The following MARCO variants were observed in gnomAD, a reference collection of about 807,000 sequenced individuals.
The protein encoded by MARCO is macrophage receptor with collagenous structure.
A neutral mutation model predicts 70.0 loss-of-function variants in MARCO; 72 were observed. The observed-to-expected ratio is 1.03, with a 90% CI of 0.85 to 1.25. The LOEUF is 1.25. Among genes scored for constraint, MARCO ranks in the 50% most tolerant of loss-of-function variants. The pLI is 0.00. For missense variants in MARCO, 696 were observed against 659.3 expected (o/e 1.06, Z -0.61); for synonymous variants, 273 against 243.1 (o/e 1.12, Z -1.14).
At chr2:118,977,086 C>T (rs1201829637) in intron 6 of MARCO, among the ~76,000 whole-genome samples, 1 of 152,210 alleles carries the variant, frequency 6.6e-6, no homozygotes, top group African/African-American at 2.4e-5. Flanking sequence ...AGCAGGAACT[C>T]ACTCCATCTT....
At chr2:118,974,733 C>A (rs1387376486) in intron 6 of MARCO, among the ~76,000 whole-genome samples, 168 bp downstream of exon 6, 1 of 152,138 alleles carries the variant, frequency 6.6e-6, no homozygotes, top group Non-Finnish European at 1.5e-5. Context: ...GGGAAGCACC[C>A]TTTCTGGTGG....
intron 1 of MARCO, among the ~76,000 whole-genome samples, chr2:118,945,995 G>GCT (rs1274014631): frequency 1.1e-4 from 16 of 152,130 alleles, no homozygotes; most frequent in African/African-American, 3.9e-4. Context: ...ATTATTTCAT[G>GCT]TCATTGTTCT....
intron 1 of MARCO, among the ~76,000 whole-genome samples, chr2:118,955,560 CT>C (rs1182958974): frequency 1.3e-5 from 2 of 152,126 alleles, no homozygotes; most frequent in Non-Finnish European, 2.9e-5. Flanking sequence ...CTTTCCTGGC[CT>C]TCCCAGAGAC....
chr2:118,981,103 C>G (rs1680379281), intron 8 of MARCO, among the ~76,000 whole-genome samples: 1 of 152,184 alleles, frequency 6.6e-6, no homozygotes, highest in Admixed American at 6.5e-5. Flanking sequence ...AATGCAGACA[C>G]TAAAACAAGC....
intron 1 of MARCO, chr2:118,952,859 G>T (rs1679750707): frequency 6.6e-6 from 1 of 152,154 alleles, no homozygotes; most frequent in Admixed American, 6.5e-5. Context: ...TATCAAAATT[G>T]TTAGAAATAC....
chr2:118,952,724 G>C, intron 1 of MARCO: 1 of 152,172 alleles, frequency 6.6e-6, no homozygotes, highest in East Asian at 1.9e-4. Context: ...GCACCAGGTG[G>C]GTCTTGGTCC....
intron 12 of MARCO, among the ~76,000 whole-genome samples, chr2:118,984,049 T>C (rs1205872862): frequency 1.3e-5 from 2 of 152,204 alleles, no homozygotes; most frequent in African/African-American, 4.8e-5. Flanking sequence ...GTAGCACAAC[T>C]TTACGGTCAA....
rs368982404 is a variant in MARCO at position 118,981,519 on chromosome 2, C to T, written c.865+12C>T. The T allele has an allele frequency of 2.5e-4, 405 of 1,594,818 alleles. 1 individual carries two copies. The highest frequency in any genetic ancestry group is 3.3e-4 in the Non-Finnish European group (387 of 1,169,810). On this transcript the variant is annotated intron_variant, in intron 9 of 16. Coordinates refer to ENST00000327097, the MANE Select transcript of MARCO (RefSeq NM_006770.4). ...GCCAGGCCCACCAGGTAAGAGGGCA[C>T]GTGGTCACATCCACTGACCTCTAGG...
At chr2:118,986,656 G>GAAAAAGAAAGAAAGAAAGAAA (rs1558671646) in intron 12 of MARCO, among the ~76,000 whole-genome samples, 1 of 28,272 alleles carries the variant, frequency 3.5e-5, no homozygotes, top group African/African-American at 2.9e-4. Context: ...AAAGAAAGAA[G>GAAAAAGAAAGAAAGAAAGAAA]GAAGGAAGGA....
chr2:118,944,345 T>C (rs963450857), intron 1 of MARCO, among the ~76,000 whole-genome samples: 11 of 152,200 alleles, frequency 7.2e-5, no homozygotes, highest in African/African-American at 2.7e-4. Context: ...AATACAAAGA[T>C]TGTGGAACAT....
chr2:118,970,196 C>T lies in MARCO; in HGVS notation c.282C>T (p.Phe94=), dbSNP rs1432189388. 6.2e-7 allele frequency: 1 copy of T among 1,614,178 alleles called. No homozygotes were observed. Among genetic ancestry groups the T allele is most frequent in the Admixed American group, 1.7e-5 (1 of 60,022 alleles). ...DTLAAEDSPS[F]SLLQSAHPGE... ...TGGCGGCTGAGGACAGCCCGTCCTT[C>T]TCCTTGCTGCAGTCAGCACACCCTG... The change falls in exon 3 of 17, where the codon TTC becomes TTT. Residue 94 remains phenylalanine, a synonymous_variant. Transcript: ENST00000327097.
intron 12 of MARCO, among the ~76,000 whole-genome samples, chr2:118,986,734 G>GA: frequency 3.5e-5 from 5 of 144,664 alleles, no homozygotes; most frequent in Middle Eastern, 3.3e-3. Flanking sequence ...AAGAAAGAAA[G>GA]AAAGAGAAAG....
At chr2:118,977,279 A>T (rs1339093119) in intron 6 of MARCO, among the ~76,000 whole-genome samples, 192 bp from the exon 7 acceptor site, 2 of 147,330 alleles carry the variant, frequency 1.4e-5, no homozygotes. Flanking sequence ...TGTTTGTGCA[A>T]TCATATGTGT....
In MARCO at chr2:118,978,009, G is replaced by C; in HGVS notation, c.766+74G>C. 1.0e-5 allele frequency: 10 copies of C among 998,218 alleles called. No homozygotes were observed. The South Asian group carries it at 1.5e-4, about 15-fold the overall frequency. 61.8% of individuals were successfully genotyped at this position (998,218 alleles called of 1,614,324 possible). On this transcript the variant is annotated intron_variant, in intron 8 of 16. Coordinates refer to ENST00000327097, the MANE Select transcript of MARCO (RefSeq NM_006770.4). ...ACTAGGGCCTGACCTCTGTGCCATT[G>C]GGTCTATTCAGTGCCCACTGAGGGC...
intron 13 of MARCO, among the ~76,000 whole-genome samples, chr2:118,991,171 G>A (rs1405795832): frequency 6.6e-6 from 1 of 152,090 alleles, no homozygotes; most frequent in Non-Finnish European, 1.5e-5. Flanking sequence ...CTGCCCCTGT[G>A]AGTGCAAAAG....
intron 5 of MARCO, 37 bp downstream of exon 5, chr2:118,974,477 C>T (rs1379480077): frequency 1.9e-6 from 3 of 1,612,766 alleles, no homozygotes; most frequent in Non-Finnish European, 2.5e-6. Context: ...AATCATTTTC[C>T]TCCTCCTTCT....
rs368761967 is a variant in MARCO, at chr2:118,942,347, C to T, written c.47C>T (p.Thr16Ile). 1.9e-6 allele frequency: 3 copies of T among 1,613,780 alleles called. No homozygotes were observed. The highest frequency in any genetic ancestry group is 1.7e-5 in the Admixed American group (1 of 60,018). The change falls in exon 1 of 17, where the codon ACC (threonine) becomes ATC (isoleucine). Residue 16 changes from threonine to isoleucine, a missense_variant. By Grantham distance (89) the Thr-to-Ile change is moderately conservative. Transcript: ENST00000327097. ...AAGGAGGACGAGCTCTTGAGTGAGA[C>T]CCAACAAGCTGCTTTTCACCAAATT... ...ILKEDELLSE[T>I]QQAAFHQIAM...
At chr2:118,983,791 G>A (rs970848876) in intron 12 of MARCO, among the ~76,000 whole-genome samples, 16 of 152,068 alleles carry the variant, frequency 1.1e-4, no homozygotes, top group African/African-American at 3.6e-4. Context: ...GTTGTAAATA[G>A]TAGTCACCCT....
chr2:118,958,453 A>G (rs80342210), intron 1 of MARCO, among the ~76,000 whole-genome samples: 1 of 152,072 alleles, frequency 6.6e-6, no homozygotes, highest in African/African-American at 2.4e-5. Context: ...CTAACAAAGG[A>G]GTCAAAAGAC....
Sources: allele counts gnomAD v4.1 joint callset (sites outside exome capture counted in the v4.1 genomes callset), GRCh38; gene constraint gnomAD v4.1.1; transcripts MANE v1.5; gene names NCBI Gene and HGNC (gene_info 2026-07-23, HGNC 2026-07-21).